The following NLRP2 variants were observed in gnomAD, a reference collection of about 807,000 sequenced individuals.
NLRP2 encodes the protein NACHT, LRR and PYD domains-containing protein 2.
NLRP2 carries 107 observed loss-of-function variants against 97.2 expected under a neutral mutation model. That is an observed-to-expected ratio of 1.10 (90% CI 0.94 to 1.29). The LOEUF is 1.29. Ranked by LOEUF, NLRP2 falls within the 50% of genes most tolerant of loss-of-function variation. The pLI, the probability that NLRP2 is intolerant of heterozygous loss-of-function variation, is 0.00. For synonymous variants in NLRP2, 663 were observed against 551.5 expected (o/e 1.20, Z -2.83); for missense variants, 1,495 against 1,330.3 (o/e 1.12, Z -1.93).
chr19:54,994,069 T>C lies in NLRP2; in HGVS notation c.2709-200T>C, dbSNP rs1602427699. The C allele has an allele frequency of 1.2e-5, 8 of 659,102 alleles. No individual in the cohort carries two copies. In the East Asian group the frequency reaches 2.2e-4, roughly 18 times the overall value. The allele number at this position is 659,102 out of a possible 1,614,324, so 40.8% of individuals were successfully genotyped here. On this transcript the variant is annotated intron_variant, in intron 10 of 12. Transcript: ENST00000448584. ...TCAGTCACCTCTACGAGGTCCCTTT[T>C]GCTCGCAGGTGCCAGGAGTTGGGAC...
At position 54,983,615 on chromosome 19, in the gene NLRP2, A is replaced by G. The variant is rs1263454838; in HGVS notation, c.1917A>G (p.Pro639=). The change falls in exon 6 of 13, where the codon CCA becomes CCG. Residue 639 remains proline, a synonymous_variant. Transcript: ENST00000448584. ...ACTTAAATGCAGTAGACGTTGTGCC[A>G]TCTTCATTCTGCGTCAAGCACTGTC... ...SLHLNAVDVV[P]SSFCVKHCRN... 8.1e-6 allele frequency: 13 copies of G among 1,614,058 alleles called. No homozygotes were observed. The highest frequency in any genetic ancestry group is 1.1e-5 in the Non-Finnish European group (13 of 1,180,036).
rs1421687736 is a variant in NLRP2, at chr19:54,968,813, T to C, written c.-17-1186T>C. Among the ~76,000 whole-genome samples the C allele has an allele frequency of 2.0e-5, 3 of 151,056 alleles. No homozygotes were observed. The Admixed American group carries it at 2.0e-4, about 10-fold the overall frequency. ...CACTCCCAGGTTCAAGCGATTCTCC[T>C]GCCTCAGCCTCCCAAGTAGCTGGAA... On this transcript the variant is annotated intron_variant, in intron 1 of 12. Coordinates refer to ENST00000448584, the MANE Select transcript of NLRP2 (RefSeq NM_017852.5).
In NLRP2 at chr19:54,983,669, A is replaced by G. The variant is rs2071817002; in HGVS notation, c.1971A>G (p.Val657=). 4 of 1,613,996 alleles carry G rather than the reference A, an allele frequency of 2.5e-6. No individual in the cohort carries two copies. In the East Asian group the frequency reaches 6.7e-5, roughly 27 times the overall value. ...CRNLQKMSLQ[V]IKENLPENVT... Reference sequence around the variant, plus strand: ...ACCTGCAGAAAATGTCACTGCAGGTAATAAAGGAGAATCTCCCGGAGAATG... The same window carrying G: ...ACCTGCAGAAAATGTCACTGCAGGTGATAAAGGAGAATCTCCCGGAGAATG... Residue 657 remains valine, a synonymous_variant, in exon 6 of 13, where the codon GTA becomes GTG. Transcript: ENST00000448584.
Position 54,986,233 on chromosome 19 carries a change from C to T in NLRP2, c.2284C>T (p.Leu762Phe). Residue 762 changes from leucine to phenylalanine, a missense_variant, in exon 8 of 13, where the codon CTT (leucine) becomes TTT (phenylalanine). Physicochemically the swap from Leu to Phe is conservative, Grantham distance 22 (BLOSUM62 0). Coordinates refer to ENST00000448584, the MANE Select transcript of NLRP2 (RefSeq NM_017852.5). Reference protein sequence around the residue: ...RGHKTVTYLTLQGNDQDDMFP... With the variant: ...RGHKTVTYLTFQGNDQDDMFP... ...TCACAAGACTGTAACGTATCTGACC[C>T]TTCAAGGCAATGACCAGGATGATAT... 1 of 1,613,688 alleles carries T rather than the reference C, an allele frequency of 6.2e-7. No homozygotes were observed. The highest frequency in any genetic ancestry group is 8.5e-7 in the Non-Finnish European group (1 of 1,179,650).
At chr19:54,982,090 T>G in intron 5 of NLRP2, 72 bp from the exon 6 acceptor site, 1 of 1,590,588 alleles carries the variant, frequency 6.3e-7, no homozygotes, top group Non-Finnish European at 8.6e-7. Context: ...CACAAGGCAT[T>G]TTGTTATTTT....
chr19:54,970,265 C>T lies in NLRP2; in HGVS notation c.250C>T (p.Leu84=), dbSNP rs772425637. The change falls in exon 2 of 13, where the codon CTG becomes TTG. Residue 84 remains leucine (L), a synonymous_variant. Coordinates refer to ENST00000448584, the MANE Select transcript of NLRP2 (RefSeq NM_017852.5). ...CTTTGAAAAGATGCACCGAATGGAT[C>T]TGTCTGAGAGAGCAAAGGATGAAGT... ...QVFEKMHRMD[L]SERAKDEVRE... 6.2e-7 allele frequency: 1 copy of T among 1,614,146 alleles called. No individual in the cohort carries two copies. Among genetic ancestry groups the T allele is most frequent in the South Asian group, 1.1e-5 (1 of 91,080 alleles).
Position 55,001,061 on chromosome 19 carries a change from AC to A in NLRP2, c.*164del, listed in dbSNP as rs753591410. ...TTCTGCCTCTGTTTTATACCTGCACACATCCTTATCTTTGTTACATATGAAA... is the reference window on the plus strand; with the variant it reads ...TTCTGCCTCTGTTTTATACCTGCACAATCCTTATCTTTGTTACATATGAAA... On this transcript the variant is annotated 3_prime_UTR_variant, in exon 13 of 13. Transcript: ENST00000448584. 1 of 634,412 alleles carries A rather than the reference AC, an allele frequency of 1.6e-6. No individual in the cohort carries two copies. Among genetic ancestry groups the A allele is most frequent in the Non-Finnish European group, 2.8e-6 (1 of 357,484 alleles). 39.3% of individuals were successfully genotyped at this position (634,412 alleles called of 1,614,324 possible). A position where few individuals can be genotyped will look rare whatever the true frequency, so the allele number is the denominator to read the frequency against.
intron 2 of NLRP2, among the ~76,000 whole-genome samples, chr19:54,971,891 C>T (rs1481007574): frequency 6.6e-5 from 10 of 152,102 alleles, no homozygotes; most frequent in Middle Eastern, 3.4e-3. Flanking sequence ...TTTAGCAGCA[C>T]GATCTCGGCT....
At position 54,987,384 on chromosome 19, in the gene NLRP2, G is replaced by A. The variant is rs544855309; in HGVS notation, c.2366+1069G>A. On this transcript the variant is annotated intron_variant, in intron 8 of 12. Transcript: ENST00000448584. ...GAAGCTGTCCAGTGGCTGCCCAGGC[G>A]ATGAGAACCTACATGCATCATGGGG... Among the ~76,000 whole-genome samples the A allele has an allele frequency of 6.4e-4, 97 of 152,258 alleles. 1 individual carries two copies. Among genetic ancestry groups the A allele is most frequent in the Middle Eastern group, 3.4e-3 (1 of 294 alleles).
At chr19:54,970,955 A>G (rs1400958546) in intron 2 of NLRP2, among the ~76,000 whole-genome samples, 10 of 113,110 alleles carry the variant, frequency 8.8e-5, no homozygotes, top group South Asian at 3.5e-4. Flanking sequence ...ATATCTCCCA[A>G]TGCTATCCCT....
chr19:54,980,417 A>G (rs1393071154), intron 4 of NLRP2, among the ~76,000 whole-genome samples: 1 of 151,754 alleles, frequency 6.6e-6, no homozygotes, highest in Non-Finnish European at 1.5e-5. Context: ...GATGGTCTCG[A>G]TCTCCTGACC....
chr19:54,976,037 C>T (rs992382414), intron 3 of NLRP2, among the ~76,000 whole-genome samples: 10 of 148,840 alleles, frequency 6.7e-5, no homozygotes, highest in Middle Eastern at 3.4e-3. Flanking sequence ...ACATGATTCA[C>T]CACACCTGGC....
chr19:54,984,485 C>CTTTTTT lies in NLRP2; in HGVS notation c.2031-552_2031-547dup, dbSNP rs36061621. Among the ~76,000 whole-genome samples, 364 of 76,904 alleles carry CTTTTTT rather than the reference C, an allele frequency of 4.7e-3. 43 individuals are homozygous for CTTTTTT. The South Asian group carries it at 0.062, about 13-fold the overall frequency. 50.5% of individuals were successfully genotyped at this position (76,904 alleles called of 152,430 possible). A position where few individuals can be genotyped will look rare whatever the true frequency, so the allele number is the denominator to read the frequency against. ...ATGTATAGATATGTATATTCCCAAT[C>CTTTTTT]TTTTTTTTTTTTTTTGAGACGGAGT... On this transcript the variant is annotated intron_variant, in intron 6 of 12. Coordinates refer to ENST00000448584, the MANE Select transcript of NLRP2 (RefSeq NM_017852.5).
chr19:54,994,915 C>CT (rs2072721349), intron 11 of NLRP2, among the ~76,000 whole-genome samples: 2 of 151,218 alleles, frequency 1.3e-5, no homozygotes, highest in Non-Finnish European at 1.5e-5. Flanking sequence ...GGCCCTATGT[C>CT]TAAGTTCTAG....
At position 54,997,434 on chromosome 19, in the gene NLRP2, G is replaced by A. The variant is rs866152757; in HGVS notation, c.2997G>A (p.Val999=). The A allele has an allele frequency of 1.9e-6, 3 of 1,614,200 alleles. No individual in the cohort carries two copies. Among genetic ancestry groups the A allele is most frequent in the East Asian group, 4.5e-5 (2 of 44,888 alleles). ...AGAATCCCTTGGGGTCTAGTGGAGT[G>A]AAGATGCTGTTTGAAACCTTGACAT... is the stretch of plus-strand genomic sequence containing the variant. The part of the protein sequence containing the change: ...LGQNPLGSSG[V]KMLFETLTCS... Residue 999 remains valine, a synonymous_variant, in exon 12 of 13, where the codon GTG becomes GTA. Coordinates refer to ENST00000448584, the MANE Select transcript of NLRP2 (RefSeq NM_017852.5).
intron 2 of NLRP2, among the ~76,000 whole-genome samples, chr19:54,972,789 TAG>T (rs1360561931): frequency 3.9e-5 from 6 of 151,994 alleles, no homozygotes; most frequent in South Asian, 2.1e-4. Flanking sequence ...AACCAAGATA[TAG>T]AGTCAGTCTA....
intron 8 of NLRP2, 42 bp downstream of exon 8, chr19:54,986,357 A>C: frequency 6.4e-7 from 1 of 1,561,170 alleles, no homozygotes; most frequent in Non-Finnish European, 8.8e-7. Flanking sequence ...ATACAAACAT[A>C]AGCTACCACA....
In NLRP2 at chr19:54,990,299, A is replaced by G. The variant is rs751148001; in HGVS notation, c.2537+107A>G. ...TATGGAACCTCTCGCTGATGTGAAC[A>G]CCTGTTCCCATGTTTAGATCCAGGC... On this transcript the variant is annotated intron_variant, in intron 9 of 12. Transcript: ENST00000448584. The G allele has an allele frequency of 7.2e-6, 9 of 1,244,714 alleles. No homozygotes were observed. In the South Asian group the frequency reaches 9.6e-5, roughly 13 times the overall value. The allele number at this position is 1,244,714 out of a possible 1,614,324, so 77.1% of individuals were successfully genotyped here.
intron 7 of NLRP2, 99 bp from the exon 8 acceptor site, chr19:54,986,052 A>AG: frequency 1.2e-6 from 1 of 828,202 alleles, no homozygotes; most frequent in Non-Finnish European, 2.0e-6. Context: ...CATGGAAAAA[A>AG]TAGTTCCTAA....
Sources: allele counts gnomAD v4.1 joint callset (sites outside exome capture counted in the v4.1 genomes callset), GRCh38; gene constraint gnomAD v4.1.1; transcripts MANE v1.5; gene names NCBI Gene and HGNC (gene_info 2026-07-23, HGNC 2026-07-21).